The following CNTNAP2 variants were observed in gnomAD, a reference collection of about 807,000 sequenced individuals.
The protein encoded by CNTNAP2 is contactin associated protein 2.
In CNTNAP2, 98 loss-of-function variants were observed where a neutral mutation model predicts 155.2. That is an observed-to-expected ratio of 0.63 (90% CI 0.54 to 0.75). The LOEUF (loss-of-function observed/expected upper bound fraction) is 0.75. Ranked by LOEUF, CNTNAP2 falls within the 30% of genes least tolerant of loss-of-function variation. The probability of loss-of-function intolerance (pLI) is 0.00; values close to 1 mark genes in which losing one functional copy is unlikely to be tolerated. For missense variants in CNTNAP2, 1,727 were observed against 1,688.1 expected (o/e 1.02, Z -0.40); for synonymous variants, 651 against 631.2 (o/e 1.03, Z -0.47).
intron 1 of CNTNAP2, among the ~76,000 whole-genome samples, chr7:146,391,614 C>A (rs1795544951): frequency 6.6e-6 from 1 of 152,168 alleles, no homozygotes; most frequent in African/African-American, 2.4e-5. Flanking sequence ...ATTCTAATTT[C>A]TAGTCAAAGG....
At chr7:146,567,712 A>G (rs1798378475) in intron 1 of CNTNAP2, among the ~76,000 whole-genome samples, 1 of 152,116 alleles carries the variant, frequency 6.6e-6, no homozygotes, top group Non-Finnish European at 1.5e-5. Context: ...TCAAACAGAT[A>G]TAATTTTAAC....
intron 3 of CNTNAP2, among the ~76,000 whole-genome samples, chr7:147,014,109 G>T (rs530643313): frequency 6.6e-6 from 1 of 152,246 alleles, no homozygotes; most frequent in African/African-American, 2.4e-5. Flanking sequence ...CTGGCACTCA[G>T]CCCTTAGATA....
At chr7:146,269,075 C>T (rs955210717) in intron 1 of CNTNAP2, among the ~76,000 whole-genome samples, 1 of 152,302 alleles carries the variant, frequency 6.6e-6, no homozygotes, top group Non-Finnish European at 1.5e-5. Context: ...GGTGGGGTGG[C>T]TCACGCCTGT....
chr7:147,079,594 T>A (rs1800075274), intron 4 of CNTNAP2, among the ~76,000 whole-genome samples: 1 of 149,040 alleles, frequency 6.7e-6, no homozygotes, highest in African/African-American at 2.5e-5. Context: ...TAAAGTATAA[T>A]AATAATAATA....
At position 146,281,390 on chromosome 7, in the gene CNTNAP2, T is replaced by G. The variant is rs571583726; in HGVS notation, c.97+164417T>G. Reference sequence around the variant, plus strand: ...AAAGAGGGTACTTTCCTGGCATTTCTGAAATCAATTTTAACTAATTGAACA... The same window carrying G: ...AAAGAGGGTACTTTCCTGGCATTTCGGAAATCAATTTTAACTAATTGAACA... On this transcript the variant is annotated intron_variant, in intron 1 of 23. Transcript: ENST00000361727. Among the ~76,000 whole-genome samples, 384 of 152,350 alleles carry G rather than the reference T, an allele frequency of 2.5e-3. 1 individual carries two copies. Among genetic ancestry groups the G allele is most frequent in the Non-Finnish European group, 4.2e-3 (285 of 68,032 alleles).
At chr7:147,043,819 T>G in intron 3 of CNTNAP2, 88 bp from the exon 4 acceptor site, 8 of 1,484,158 alleles carry the variant, frequency 5.4e-6, no homozygotes, top group South Asian at 1.2e-5. Context: ...TACCATTGGA[T>G]GACATTTGTG....
chr7:146,371,851 C>G (rs1303495631), intron 1 of CNTNAP2, among the ~76,000 whole-genome samples: 1 of 151,518 alleles, frequency 6.6e-6, no homozygotes, highest in African/African-American at 2.4e-5. Context: ...CCAAGCTACT[C>G]GTGAGGCTGA....
At chr7:147,699,233 A>T (rs1402747940) in intron 13 of CNTNAP2, among the ~76,000 whole-genome samples, 2 of 127,762 alleles carry the variant, frequency 1.6e-5, no homozygotes, top group African/African-American at 3.1e-5. Flanking sequence ...AAATTCTATT[A>T]AAAAAAAAAA....
At chr7:146,996,636 C>A (rs375888825) in intron 3 of CNTNAP2, among the ~76,000 whole-genome samples, 1 of 152,028 alleles carries the variant, frequency 6.6e-6, no homozygotes, top group African/African-American at 2.4e-5. Flanking sequence ...TTCTATAAAA[C>A]GGATCATGTC....
intron 21 of CNTNAP2, among the ~76,000 whole-genome samples, chr7:148,364,131 C>T (rs942863552): frequency 1.3e-5 from 2 of 152,316 alleles, no homozygotes; most frequent in Admixed American, 6.5e-5. Flanking sequence ...GCCTCCCCGA[C>T]GAGCGCCACC....
chr7:146,871,884 A>G (rs1795316109), intron 3 of CNTNAP2, among the ~76,000 whole-genome samples: 2 of 152,068 alleles, frequency 1.3e-5, no homozygotes, highest in African/African-American at 2.4e-5. Context: ...ACACAGAACT[A>G]TAACTCTTTT....
intron 1 of CNTNAP2, among the ~76,000 whole-genome samples, chr7:146,298,148 G>A (rs1800545930): frequency 1.3e-5 from 2 of 152,298 alleles, no homozygotes; most frequent in African/African-American, 4.8e-5. Flanking sequence ...GGGAGGACAA[G>A]AGAAAAAGAC....
In CNTNAP2 at chr7:148,393,704, C is replaced by A. The variant is rs375673154; in HGVS notation, c.3715+9816C>A. On this transcript the variant is annotated intron_variant, in intron 22 of 23. Transcript: ENST00000361727. ...TTGACAGTCCAGCAATCTATGAATA[C>A]CTTTTCCCCACATCCTCACCAAAAC... 3.9e-5 allele frequency among the ~76,000 whole-genome samples: 6 copies of A among 152,264 alleles called. No individual in the cohort carries two copies. In the East Asian group the frequency reaches 1.2e-3, roughly 29 times the overall value.
chr7:147,068,515 C>T (rs553154479), intron 4 of CNTNAP2, among the ~76,000 whole-genome samples: 4 of 152,214 alleles, frequency 2.6e-5, no homozygotes, highest in East Asian at 3.9e-4. Flanking sequence ...TATGCCACCA[C>T]GCCAAGCTAA....
chr7:146,450,688 C>T (rs1375414993), intron 1 of CNTNAP2, among the ~76,000 whole-genome samples: 1 of 152,070 alleles, frequency 6.6e-6, no homozygotes, highest in South Asian at 2.1e-4. Flanking sequence ...GACTCCACCT[C>T]TTGATGAAAG....
intron 1 of CNTNAP2, among the ~76,000 whole-genome samples, chr7:146,426,927 G>C (rs543007151): frequency 2.6e-5 from 4 of 151,838 alleles, no homozygotes; most frequent in Non-Finnish European, 5.9e-5. Flanking sequence ...TGAGTTAGCC[G>C]TTCCACAATG....
intron 1 of CNTNAP2, among the ~76,000 whole-genome samples, chr7:146,703,567 T>C (rs1800913515): frequency 6.6e-6 from 1 of 152,134 alleles, no homozygotes; most frequent in Non-Finnish European, 1.5e-5. Flanking sequence ...GTGTTTCTCA[T>C]GGTTCTGGAG....
At chr7:146,331,303 CA>C (rs771258929) in intron 1 of CNTNAP2, among the ~76,000 whole-genome samples, 4 of 58,950 alleles carry the variant, frequency 6.8e-5, no homozygotes, top group African/African-American at 2.2e-4. Flanking sequence ...GACTCCGTCT[CA>C]AAAAAAAAAA....
intron 1 of CNTNAP2, among the ~76,000 whole-genome samples, chr7:146,288,182 C>T (rs924009638): frequency 1.3e-5 from 2 of 151,414 alleles, no homozygotes; most frequent in African/African-American, 2.4e-5. Flanking sequence ...CCTGTGTTCC[C>T]AGCTACTCTA....
Sources: allele counts gnomAD v4.1 joint callset (sites outside exome capture counted in the v4.1 genomes callset), GRCh38; gene constraint gnomAD v4.1.1; transcripts MANE v1.5; gene names NCBI Gene and HGNC (gene_info 2026-07-23, HGNC 2026-07-21).